Variants in SGCZ observed in about 807,000 individuals in gnomAD.
SGCZ encodes the protein zeta-sarcoglycan.
Under a neutral mutation model 41.3 loss-of-function variants are expected in SGCZ, and 40 were observed. The ratio of observed to expected loss-of-function variants is 0.97; its 90% CI spans 0.75 to 1.26. SGCZ has a LOEUF of 1.26. SGCZ is among the 50% of genes most tolerant of loss of function. The probability of loss-of-function intolerance (pLI) is 0.00; values close to 1 mark genes in which losing one functional copy is unlikely to be tolerated. For missense variants in SGCZ, 552 were observed against 369.8 expected, an observed-to-expected ratio of 1.49 and a Z score of -4.04; for synonymous variants, 206 against 137.5, an observed-to-expected ratio of 1.50 and a Z score of -3.49.
intron 1 of SGCZ, among the ~76,000 whole-genome samples, chr8:15,222,163 G>C (rs775878433): frequency 4.4e-4 from 67 of 152,216 alleles, no homozygotes; most frequent in Non-Finnish European, 7.2e-4. Flanking sequence ...TATTATCAAA[G>C]CATTTTATAT....
intron 2 of SGCZ, among the ~76,000 whole-genome samples, chr8:14,457,880 C>T (rs1450154517): frequency 6.6e-6 from 1 of 152,114 alleles, no homozygotes; most frequent in East Asian, 1.9e-4. Flanking sequence ...TACCGGTCTC[C>T]GCGCATTGGT....
In SGCZ at chr8:14,237,544, A is replaced by C. The variant is rs755735838; in HGVS notation, c.424+48T>G. The C allele has an allele frequency of 1.5e-5, 22 of 1,511,360 alleles. No individual in the cohort carries two copies. In the Admixed American group the frequency reaches 3.2e-4, roughly 22 times the overall value. 93.6% of individuals were successfully genotyped at this position (1,511,360 alleles called of 1,614,324 possible). On this transcript the variant is annotated intron_variant, in intron 4 of 7. Coordinates refer to ENST00000382080, the MANE Select transcript of SGCZ (RefSeq NM_139167.4). ...AGAACCAAAAACCAAAAACAACAAC[A>C]AAAAAAACCAAGCACAGTAGGAGCA... is the stretch of plus-strand genomic sequence containing the variant.
At chr8:14,222,232 G>C (rs538342164) in intron 4 of SGCZ, among the ~76,000 whole-genome samples, 1 of 151,560 alleles carries the variant, frequency 6.6e-6, no homozygotes, top group Non-Finnish European at 1.5e-5. Context: ...GTGCAGTGGC[G>C]CAATCTCCAT....
At chr8:14,170,528 G>A (rs1035857846) in intron 4 of SGCZ, among the ~76,000 whole-genome samples, 1 of 152,040 alleles carries the variant, frequency 6.6e-6, no homozygotes, top group Admixed American at 6.6e-5. Context: ...AATTTTAAGA[G>A]GATAAGGTAA....
chr8:14,997,794 T>C (rs1008897847), intron 1 of SGCZ, among the ~76,000 whole-genome samples: 1 of 152,106 alleles, frequency 6.6e-6, no homozygotes, highest in African/African-American at 2.4e-5. Context: ...ACCTAGTCTC[T>C]ACTAAAAATA....
intron 1 of SGCZ, among the ~76,000 whole-genome samples, chr8:14,559,876 A>G (rs1241158825): frequency 6.6e-6 from 1 of 152,130 alleles, no homozygotes; most frequent in Non-Finnish European, 1.5e-5. Context: ...TTTCCTTAAA[A>G]CTGACCATAA....
chr8:15,183,347 ATGTAT>A (rs60217053), intron 1 of SGCZ, among the ~76,000 whole-genome samples: 4,457 of 152,278 alleles, frequency 0.029, 236 homozygotes, highest in African/African-American at 0.1. Flanking sequence ...CACATGAGAA[ATGTAT>A]TGTAATACTT....
chr8:15,061,619 C>G (rs886128376), intron 1 of SGCZ, among the ~76,000 whole-genome samples: 2 of 151,980 alleles, frequency 1.3e-5, no homozygotes, highest in African/African-American at 4.8e-5. Context: ...CTGTTGAGAA[C>G]TCAGTGCTCT....
intron 1 of SGCZ, among the ~76,000 whole-genome samples, chr8:14,811,046 C>G (rs1801722853): frequency 6.6e-6 from 1 of 151,800 alleles, no homozygotes; most frequent in Non-Finnish European, 1.5e-5. Flanking sequence ...ACTGTAGTGT[C>G]CTGAAATAGA....
intron 1 of SGCZ, among the ~76,000 whole-genome samples, chr8:14,888,514 A>G (rs1441652283): frequency 1.3e-5 from 2 of 152,212 alleles, no homozygotes; most frequent in East Asian, 1.9e-4. Context: ...ATCATGAGCA[A>G]CAATGAACAA....
At chr8:14,718,095 T>A (rs560228847) in intron 1 of SGCZ, among the ~76,000 whole-genome samples, 1 of 151,676 alleles carries the variant, frequency 6.6e-6, no homozygotes, top group Non-Finnish European at 1.5e-5. Flanking sequence ...TAGAAATGAA[T>A]AACTGTGACT....
intron 2 of SGCZ, among the ~76,000 whole-genome samples, chr8:14,530,777 G>A (rs1208950619): frequency 6.7e-6 from 1 of 149,480 alleles, no homozygotes; most frequent in African/African-American, 2.4e-5. Flanking sequence ...TAGCCCAGAA[G>A]CTCAAGTCCG....
At chr8:14,706,899 T>A (rs1809348415) in intron 1 of SGCZ, among the ~76,000 whole-genome samples, 1 of 151,912 alleles carries the variant, frequency 6.6e-6, no homozygotes, top group African/African-American at 2.4e-5. Flanking sequence ...ATTATAAATG[T>A]AAAATACAGC....
intron 1 of SGCZ, among the ~76,000 whole-genome samples, chr8:15,011,474 A>G (rs1398630040): frequency 6.6e-6 from 1 of 152,246 alleles, no homozygotes. Context: ...CAAAGATTTT[A>G]TAAACATGTT....
intron 1 of SGCZ, among the ~76,000 whole-genome samples, chr8:15,194,461 G>C (rs561600837): frequency 3.9e-5 from 6 of 152,058 alleles, no homozygotes; most frequent in African/African-American, 1.4e-4. Flanking sequence ...TCCCGAAAAC[G>C]CATGAATATG....
chr8:14,132,972 GAGA>G (rs1437565166), intron 5 of SGCZ, among the ~76,000 whole-genome samples: 1 of 152,042 alleles, frequency 6.6e-6, no homozygotes, highest in African/African-American at 2.4e-5. Context: ...CTAGTGTTTT[GAGA>G]AGATTTCCTT....
chr8:15,093,059 T>C (rs1045927646), intron 1 of SGCZ, among the ~76,000 whole-genome samples: 4 of 152,212 alleles, frequency 2.6e-5, no homozygotes, highest in Non-Finnish European at 4.4e-5. Flanking sequence ...TAGTCCATTA[T>C]CATAGAAACA....
rs17119297 is a variant in SGCZ, at chr8:14,462,167, C to T, written c.234+92565G>A. 5.0e-3 allele frequency among the ~76,000 whole-genome samples: 755 copies of T among 151,754 alleles called. 7 individuals carry two copies. The highest frequency in any genetic ancestry group is 0.017 in the African/African-American group (692 of 41,424). On this transcript the variant is annotated intron_variant, in intron 2 of 7. Coordinates refer to ENST00000382080, the MANE Select transcript of SGCZ (RefSeq NM_139167.4). The stretch of plus-strand genomic sequence containing the variant: ...TTGTGACACTCAATTGCACTCTATC[C>T]AATTGGAATAATAATTAGGATTTGA...
intron 1 of SGCZ, among the ~76,000 whole-genome samples, chr8:15,187,600 T>C (rs775580183): frequency 6.6e-6 from 1 of 152,032 alleles, no homozygotes; most frequent in Non-Finnish European, 1.5e-5. Flanking sequence ...CAAAATCACA[T>C]AAAGAACTTT....
Sources: allele counts gnomAD v4.1 joint callset (sites outside exome capture counted in the v4.1 genomes callset), GRCh38; gene constraint gnomAD v4.1.1; transcripts MANE v1.5; gene names NCBI Gene and HGNC (gene_info 2026-07-23, HGNC 2026-07-21).